MALRD1: variants seen among roughly 807,000 people sequenced by gnomAD.
MALRD1 encodes the protein MAM and LDL-receptor class A domain-containing protein 1.
A neutral mutation model predicts 242.1 loss-of-function variants in MALRD1; 247 were observed. That is an observed-to-expected ratio of 1.02 (90% CI 0.92 to 1.13). The LOEUF (loss-of-function observed/expected upper bound fraction) is 1.13, where lower values mean the gene tolerates loss of function less well. Among genes scored for constraint, MALRD1 ranks in the 50% most tolerant of loss-of-function variants. The pLI is 0.00. For missense variants in MALRD1, 2,989 were observed against 2,533.1 expected, an observed-to-expected ratio of 1.18 and a Z score of -3.86; for synonymous variants, 995 against 866.6, an observed-to-expected ratio of 1.15 and a Z score of -2.60.
chr10:19,160,914 C>T (rs557524240), intron 12 of MALRD1, among the ~76,000 whole-genome samples: 68 of 148,854 alleles, frequency 4.6e-4, no homozygotes, highest in Admixed American at 1.6e-3. Flanking sequence ...AAAAAACCAG[C>T]TCCTGGATTC....
intron 21 of MALRD1, among the ~76,000 whole-genome samples, chr10:19,304,192 A>G (rs999635158): frequency 1.3e-5 from 2 of 151,668 alleles, no homozygotes; most frequent in Non-Finnish European, 2.9e-5. Flanking sequence ...ACGAGCAGCC[A>G]CTCAGATTCC....
At chr10:19,447,559 G>A (rs184769429) in intron 28 of MALRD1, among the ~76,000 whole-genome samples, 46 of 152,170 alleles carry the variant, frequency 3.0e-4, no homozygotes, top group Admixed American at 2.6e-4. Flanking sequence ...TAGCGTGATC[G>A]TATGCTCTTC....
At chr10:19,134,041 G>C (rs1405368943) in intron 9 of MALRD1, 93 bp downstream of exon 9, 1 of 512,694 alleles carries the variant, frequency 2.0e-6, no homozygotes, top group Non-Finnish European at 3.0e-6. Flanking sequence ...AGTTAAATTA[G>C]CAGTTAAGTT....
intron 24 of MALRD1, among the ~76,000 whole-genome samples, chr10:19,345,281 C>T (rs539964971): frequency 2.6e-5 from 4 of 152,246 alleles, no homozygotes; most frequent in African/African-American, 4.8e-5. Context: ...TGTTTTTCAG[C>T]AGCACACATT....
At chr10:19,170,525 C>T (rs542740125) in intron 13 of MALRD1, among the ~76,000 whole-genome samples, 57 of 152,182 alleles carry the variant, frequency 3.7e-4, no homozygotes, top group African/African-American at 1.3e-3. Flanking sequence ...AATTTCCTGA[C>T]ATTATTTGAC....
At position 19,193,599 on chromosome 10, in the gene MALRD1, A is replaced by C. The variant is rs551750541; in HGVS notation, c.1952-10129A>C. On this transcript the variant is annotated intron_variant, in intron 14 of 39. Coordinates refer to ENST00000454679, the MANE Select transcript of MALRD1 (RefSeq NM_001142308.3). ...AATGGAATTATTAAATTGTGCTACA[A>C]GACATGGGAATATTAATGCAATTGC... Among the ~76,000 whole-genome samples the C allele has an allele frequency of 1.8e-3, 277 of 152,276 alleles. 3 individuals carry two copies. In the South Asian group the frequency reaches 0.022, roughly 12 times the overall value.
At chr10:19,478,225 A>C (rs186441268) in intron 29 of MALRD1, among the ~76,000 whole-genome samples, 1 of 152,228 alleles carries the variant, frequency 6.6e-6, no homozygotes, top group African/African-American at 2.4e-5. Flanking sequence ...GAATGCTTCA[A>C]TGCAAATCCT....
chr10:19,722,909 G>C (rs1276787425), intron 38 of MALRD1, among the ~76,000 whole-genome samples: 5 of 152,118 alleles, frequency 3.3e-5, no homozygotes, highest in Non-Finnish European at 4.4e-5. Context: ...CTAGAGGTAG[G>C]AGCCATATAC....
chr10:19,079,396 A>T (rs536703592), intron 2 of MALRD1, among the ~76,000 whole-genome samples: 1 of 151,984 alleles, frequency 6.6e-6, no homozygotes, highest in Admixed American at 6.6e-5. Context: ...CTGACCTAAA[A>T]TATTATCTCT....
At chr10:19,196,536 G>GTT (rs34242301) in intron 14 of MALRD1, among the ~76,000 whole-genome samples, 6 of 139,416 alleles carry the variant, frequency 4.3e-5, no homozygotes, top group Non-Finnish European at 7.7e-5. Context: ...ACCACTCTTT[G>GTT]TTTTTTTTTT....
intron 21 of MALRD1, chr10:19,290,192 C>T (rs903420488): frequency 2.6e-5 from 4 of 152,096 alleles, no homozygotes; most frequent in African/African-American, 7.2e-5. Context: ...AATGGACTAT[C>T]CTTGGTACAT....
chr10:19,331,567 A>G lies in MALRD1; in HGVS notation c.3886A>G (p.Thr1296Ala). The G allele has an allele frequency of 6.5e-7, 1 of 1,550,106 alleles. No individual in the cohort carries two copies. The highest frequency in any genetic ancestry group is 2.4e-5 in the East Asian group (1 of 40,876). Residue 1296 changes from threonine to alanine, a missense_variant, in exon 24 of 40, where the codon ACT becomes GCT. Coordinates refer to ENST00000454679, the MANE Select transcript of MALRD1 (RefSeq NM_001142308.3). ...TGATTGTGCTGATAATTCAGATGAGACTACTTTCATTTGCCGTAAGTAAAA... is the reference window on the plus strand; with the variant it reads ...TGATTGTGCTGATAATTCAGATGAGGCTACTTTCATTTGCCGTAAGTAAAA... ...VNDCADNSDE[T>A]TFICRTSSGR...
chr10:19,651,081 T>C (rs1169513651), intron 36 of MALRD1, among the ~76,000 whole-genome samples: 1 of 152,236 alleles, frequency 6.6e-6, no homozygotes, highest in Non-Finnish European at 1.5e-5. Flanking sequence ...AAGTCAATAA[T>C]GGCATATTTT....
At chr10:19,128,409 T>C in intron 8 of MALRD1, 22 bp downstream of exon 8, 1 of 1,229,236 alleles carries the variant, frequency 8.1e-7, no homozygotes, top group Non-Finnish European at 1.0e-6. Context: ...GTTGCATTTA[T>C]TTCAAATTCA....
intron 38 of MALRD1, among the ~76,000 whole-genome samples, chr10:19,717,422 T>C (rs1303522730): frequency 2.6e-5 from 4 of 152,222 alleles, no homozygotes; most frequent in Non-Finnish European, 5.9e-5. Flanking sequence ...GTGTATAATT[T>C]GGCACCATGG....
intron 28 of MALRD1, among the ~76,000 whole-genome samples, chr10:19,398,913 A>T (rs1193758083): frequency 6.6e-6 from 1 of 152,216 alleles, no homozygotes; most frequent in Non-Finnish European, 1.5e-5. Flanking sequence ...CACAGCAAAG[A>T]GCTATTTCAG....
At chr10:19,542,813 A>G (rs114712447) in intron 32 of MALRD1, among the ~76,000 whole-genome samples, 2,249 of 152,298 alleles carry the variant, frequency 0.015, 55 homozygotes, top group African/African-American at 0.051. Flanking sequence ...AAAAGCCTCC[A>G]GTACAATTAT....
At chr10:19,593,625 G>A (rs1000548394) in intron 33 of MALRD1, among the ~76,000 whole-genome samples, 2 of 152,118 alleles carry the variant, frequency 1.3e-5, no homozygotes, top group African/African-American at 4.8e-5. Context: ...AGTGTAAGAA[G>A]CATCCCACTA....
Position 19,607,836 on chromosome 10 carries a change from G to C in MALRD1, c.6004G>C (p.Ala2002Pro). The change falls in exon 35 of 40, where the codon GCC (alanine) becomes CCC (proline). Residue 2002 changes from alanine (A) to proline (P), a missense_variant. Ala to Pro is a conservative substitution (Grantham distance 27). Coordinates refer to ENST00000454679, the MANE Select transcript of MALRD1 (RefSeq NM_001142308.3). ...VCASSNSCIP[A>P]HQRCDGFADC... ...TGCCTCCTCCAACAGCTGTATCCCA[G>C]CCCACCAGCGCTGTGATGGTTTTGC... The C allele has an allele frequency of 1.3e-6, 2 of 1,549,640 alleles. No individual in the cohort carries two copies. Among genetic ancestry groups the C allele is most frequent in the Non-Finnish European group, 1.7e-6 (2 of 1,146,508 alleles).
Sources: allele counts gnomAD v4.1 joint callset (sites outside exome capture counted in the v4.1 genomes callset), GRCh38; gene constraint gnomAD v4.1.1; transcripts MANE v1.5; gene names NCBI Gene and HGNC (gene_info 2026-07-23, HGNC 2026-07-21).